MBNL1: variants seen among roughly 807,000 people sequenced by gnomAD.
MBNL1 encodes the protein muscleblind like splicing regulator 1.
MBNL1 carries 8 observed loss-of-function variants against 42.2 expected under a neutral mutation model. The observed-to-expected ratio is 0.19, with a 90% CI of 0.11 to 0.34. MBNL1 has a LOEUF of 0.34. Among genes scored for constraint, MBNL1 ranks in the 10% least tolerant of loss-of-function variants. The pLI, the probability that MBNL1 is intolerant of heterozygous loss-of-function variation, is 1.00. For synonymous variants in MBNL1, 169 were observed against 173.9 expected (o/e 0.97, Z 0.22); for missense variants, 309 against 495.3 (o/e 0.62, Z 3.57).
chr3:152,455,621 T>C, intron 7 of MBNL1, 44 bp downstream of exon 7: 1 of 1,570,482 alleles, frequency 6.4e-7, no homozygotes, highest in Non-Finnish European at 8.8e-7. Flanking sequence ...ACCTATGGTG[T>C]ACCTCACAGC....
intron 2 of MBNL1, among the ~76,000 whole-genome samples, chr3:152,344,941 C>G (rs1232386352): frequency 1.3e-5 from 2 of 152,078 alleles, no homozygotes; most frequent in Non-Finnish European, 2.9e-5. Flanking sequence ...GTAAAAGAGT[C>G]ATACTAGAGT....
intron 3 of MBNL1, among the ~76,000 whole-genome samples, chr3:152,428,104 A>T (rs1232416314): frequency 6.6e-6 from 1 of 152,160 alleles, no homozygotes; most frequent in Non-Finnish European, 1.5e-5. Flanking sequence ...TATATTAGAG[A>T]TAGTAATTAT....
chr3:152,340,818 A>G, intron 2 of MBNL1: 1 of 1,613,972 alleles, frequency 6.2e-7, no homozygotes, highest in Non-Finnish European at 8.5e-7. Flanking sequence ...CTTTTGCATA[A>G]CCACTGATCC....
chr3:152,271,474 TGATA>T (rs1312590350), intron 1 of MBNL1, among the ~76,000 whole-genome samples: 1 of 152,222 alleles, frequency 6.6e-6, no homozygotes, highest in Non-Finnish European at 1.5e-5. Flanking sequence ...GGCCTGTATT[TGATA>T]GATCTATATG....
intron 2 of MBNL1, among the ~76,000 whole-genome samples, chr3:152,361,146 A>G (rs1560289801): frequency 2.0e-5 from 3 of 152,126 alleles, no homozygotes; most frequent in Non-Finnish European, 4.4e-5. Flanking sequence ...CTGATTCATC[A>G]TTGATTCGTT....
chr3:152,444,496 A>G (rs1199717816), intron 4 of MBNL1, among the ~76,000 whole-genome samples: 1 of 152,226 alleles, frequency 6.6e-6, no homozygotes, highest in Non-Finnish European at 1.5e-5. Flanking sequence ...TTGATTTTGT[A>G]TATTTTTCAC....
intron 2 of MBNL1, chr3:152,301,032 C>G: frequency 2.2e-6 from 1 of 454,930 alleles, no homozygotes; most frequent in Non-Finnish European, 2.9e-6. Context: ...ATTTTTCCAG[C>G]TTCAAAAATT....
At chr3:152,383,666 C>A (rs988654800) in intron 2 of MBNL1, among the ~76,000 whole-genome samples, 1 of 152,058 alleles carries the variant, frequency 6.6e-6, no homozygotes, top group Non-Finnish European at 1.5e-5. Context: ...ATCATCTGGG[C>A]AGCTGTGCGT....
chr3:152,359,283 A>G (rs2095765276), intron 2 of MBNL1, among the ~76,000 whole-genome samples: 1 of 152,226 alleles, frequency 6.6e-6, no homozygotes, highest in African/African-American at 2.4e-5. Flanking sequence ...TTGCCAAACT[A>G]AAATTTAAAA....
intron 2 of MBNL1, among the ~76,000 whole-genome samples, chr3:152,310,802 T>A (rs566094976): frequency 6.6e-6 from 1 of 151,346 alleles, no homozygotes; most frequent in African/African-American, 2.4e-5. Flanking sequence ...GTATAGCAAA[T>A]CAGAATAATA....
intron 2 of MBNL1, among the ~76,000 whole-genome samples, chr3:152,315,124 A>G (rs1488456226): frequency 6.6e-6 from 1 of 152,230 alleles, no homozygotes; most frequent in African/African-American, 2.4e-5. Flanking sequence ...CAGGCTTTTA[A>G]CATGTTGTGA....
intron 1 of MBNL1, among the ~76,000 whole-genome samples, chr3:152,298,036 T>G (rs1028097915): frequency 6.6e-6 from 1 of 152,282 alleles, no homozygotes; most frequent in Non-Finnish European, 1.5e-5. Flanking sequence ...TTAAACGAAA[T>G]TTAGTGTTAA....
In MBNL1 at chr3:152,458,956, C is replaced by CGT. The variant is rs748781429; in HGVS notation, c.1093-298_1093-297dup. The CGT allele has an allele frequency of 2.8e-3, 552 of 194,388 alleles. 2 individuals are homozygous for CGT. Among genetic ancestry groups the CGT allele is most frequent in the Middle Eastern group, 7.6e-3 (4 of 526 alleles). The allele number at this position is 194,388 out of a possible 1,614,324, so 12.0% of individuals were successfully genotyped here. A position where few individuals can be genotyped will look rare whatever the true frequency, so the allele number is the denominator to read the frequency against. On this transcript the variant is annotated intron_variant, in intron 8 of 9. Transcript: ENST00000324210. ...CTAAGTAACTGAAACCACGGGGGTG[C>CGT]GTGTGTGTGTGTGTGTGTAGGCCAA...
Position 152,299,683 on chromosome 3 carries a change from C to T in MBNL1, c.-511C>T, listed in dbSNP as rs2059971400. ...AGGAGGAAAAAAAAAATCATTTTCT[C>T]GATTTTGCTCTAAACTGCTGCATCT... is the stretch of plus-strand genomic sequence containing the variant. On this transcript the variant is annotated 5_prime_UTR_variant, in exon 2 of 10. Coordinates refer to ENST00000324210, the MANE Select transcript of MBNL1 (RefSeq NM_021038.5). 7.5e-6 allele frequency: 3 copies of T among 398,488 alleles called. No homozygotes were observed. The highest frequency in any genetic ancestry group is 8.8e-5 in the Admixed American group (2 of 22,712). The allele number at this position is 398,488 out of a possible 1,614,324, so 24.7% of individuals were successfully genotyped here. A position where few individuals can be genotyped will look rare whatever the true frequency, so the allele number is the denominator to read the frequency against.
At chr3:152,276,191 G>A (rs1247181945) in intron 1 of MBNL1, among the ~76,000 whole-genome samples, 1 of 151,904 alleles carries the variant, frequency 6.6e-6, no homozygotes, top group East Asian at 1.9e-4. Context: ...TTCTTGTCTT[G>A]CCTCCACTGA....
chr3:152,317,831 C>T (rs2073116768), intron 2 of MBNL1, among the ~76,000 whole-genome samples: 1 of 152,124 alleles, frequency 6.6e-6, no homozygotes, highest in South Asian at 2.1e-4. Context: ...TACATTGTAA[C>T]CTAAGGACTT....
At position 152,465,607 on chromosome 3, in the gene MBNL1, G is replaced by A. The variant is rs915218306; in HGVS notation, c.*3241G>A. 1.3e-5 allele frequency: 2 copies of A among 152,606 alleles called. No individual in the cohort carries two copies. The highest frequency in any genetic ancestry group is 1.3e-4 in the Admixed American group (2 of 15,290). 9.5% of individuals were successfully genotyped at this position (152,606 alleles called of 1,614,324 possible). ...TCTGCTGAAAGGACAAATGTGCTTG[G>A]TTTTACTATTATGTAATCACAACTT... On this transcript the variant is annotated 3_prime_UTR_variant, in exon 10 of 10. Transcript: ENST00000324210.
In MBNL1 at chr3:152,274,507, G is replaced by T. The variant is rs558945023; in HGVS notation, c.-790+5415G>T. Among the ~76,000 whole-genome samples, 98 of 152,258 alleles carry T rather than the reference G, an allele frequency of 6.4e-4. 1 individual carries two copies. The highest frequency in any genetic ancestry group is 2.3e-3 in the African/African-American group (95 of 41,578). On this transcript the variant is annotated intron_variant, in intron 1 of 9. Transcript: ENST00000324210. The stretch of plus-strand genomic sequence containing the variant: ...AAGTTCAGATAAGGGAAAGTCTTAA[G>T]ATAACTCTGACTTGACCCACATACA...
At chr3:152,353,671 C>CCT (rs2095281160) in intron 2 of MBNL1, among the ~76,000 whole-genome samples, 1 of 116,502 alleles carries the variant, frequency 8.6e-6, no homozygotes, top group Non-Finnish European at 1.7e-5. Flanking sequence ...TCAACAAATC[C>CCT]TTTTTTTTTT....
Sources: gnomAD v4.1 joint callset for allele counts (sites outside exome capture counted in the v4.1 genomes callset) on GRCh38, gnomAD v4.1.1 for gene constraint, MANE v1.5 for transcripts, NCBI Gene and HGNC (gene_info 2026-07-23, HGNC 2026-07-21) for gene names.